Variants in CPED1 observed in about 807,000 individuals in gnomAD.
CPED1 encodes the protein cadherin-like and PC-esterase domain-containing protein 1.
In CPED1, 114 loss-of-function variants were observed where a neutral mutation model predicts 128.2. That is an observed-to-expected ratio of 0.89 (90% CI 0.76 to 1.04). CPED1 has a LOEUF of 1.04. Ranked by LOEUF, CPED1 falls within the 50% of genes least tolerant of loss-of-function variation. The pLI, the probability that CPED1 is intolerant of heterozygous loss-of-function variation, is 0.00. For synonymous variants in CPED1, 462 were observed against 426.7 expected (o/e 1.08, Z -1.02); for missense variants, 1,211 against 1,207.1 (o/e 1.00, Z -0.05).
At chr7:121,118,056 A>G (rs1312747223) in intron 7 of CPED1, among the ~76,000 whole-genome samples, 1 of 152,182 alleles carries the variant, frequency 6.6e-6, no homozygotes, top group East Asian at 1.9e-4. Flanking sequence ...TGAATATTTC[A>G]TGATAAACCA....
chr7:121,116,143 A>C (rs1417503107), intron 7 of CPED1, among the ~76,000 whole-genome samples: 1 of 152,206 alleles, frequency 6.6e-6, no homozygotes, highest in Non-Finnish European at 1.5e-5. Context: ...CAGCTATGAA[A>C]CTGATTAAAT....
chr7:121,236,846 G>A lies in CPED1; in HGVS notation c.2173+15G>A. On this transcript the variant is annotated intron_variant, in intron 17 of 22. Transcript: ENST00000310396. ...GGACATGAAAGGTGACTATCACATTGGATATCACTTCTCTAAAAAAAGAAT... is the reference window on the plus strand; with the variant it reads ...GGACATGAAAGGTGACTATCACATTAGATATCACTTCTCTAAAAAAAGAAT... The A allele has an allele frequency of 7.6e-7, 1 of 1,307,484 alleles. No homozygotes were observed. The allele number at this position is 1,307,484 out of a possible 1,614,324, so 81.0% of individuals were successfully genotyped here.
intron 22 of CPED1, among the ~76,000 whole-genome samples, chr7:121,290,393 C>T (rs921428298): frequency 6.6e-6 from 1 of 152,188 alleles, no homozygotes; most frequent in African/African-American, 2.4e-5. Flanking sequence ...CTGTCTTCCA[C>T]AATGGTTGAA....
chr7:121,223,848 T>C (rs2116629261), intron 16 of CPED1, among the ~76,000 whole-genome samples: 1 of 152,146 alleles, frequency 6.6e-6, no homozygotes, highest in East Asian at 1.9e-4. Flanking sequence ...TTCTTCTCTC[T>C]TTTCTTTTTT....
At chr7:121,089,217 C>T (rs1198476405) in intron 5 of CPED1, among the ~76,000 whole-genome samples, 5 of 152,166 alleles carry the variant, frequency 3.3e-5, no homozygotes. Context: ...ATTTGGAGCT[C>T]TAACCCTCAT....
chr7:121,141,168 A>G (rs968036453), intron 15 of CPED1, among the ~76,000 whole-genome samples, 155 bp downstream of exon 15: 1 of 152,026 alleles, frequency 6.6e-6, no homozygotes, highest in Non-Finnish European at 1.5e-5. Flanking sequence ...TTTAAAAAAG[A>G]TTTGTAACCT....
At chr7:121,144,017 A>C (rs901675663) in intron 16 of CPED1, among the ~76,000 whole-genome samples, 1 of 152,048 alleles carries the variant, frequency 6.6e-6, no homozygotes, top group Non-Finnish European at 1.5e-5. Flanking sequence ...ACATTCATAA[A>C]AACAAGCCAG....
At chr7:121,222,927 T>C (rs562820126) in intron 16 of CPED1, among the ~76,000 whole-genome samples, 125 of 152,264 alleles carry the variant, frequency 8.2e-4, no homozygotes, top group African/African-American at 3.0e-3. Context: ...CTTCCTCTTT[T>C]ACTAACTAAT....
intron 17 of CPED1, among the ~76,000 whole-genome samples, chr7:121,238,262 C>A (rs1237908890): frequency 2.0e-5 from 3 of 152,156 alleles, no homozygotes; most frequent in Non-Finnish European, 4.4e-5. Context: ...CCCAAATTGA[C>A]TCACAAATCA....
chr7:121,168,056 C>G lies in CPED1; in HGVS notation c.2055+25915C>G, dbSNP rs575667343. On this transcript the variant is annotated intron_variant, in intron 16 of 22. Coordinates refer to ENST00000310396, the MANE Select transcript of CPED1 (RefSeq NM_024913.5). ...CCCAAAAGTCTATTGCTTTTAAACT[C>G]GAAAGAGCTGAGCTTAGTTCCTGAG... 5.4e-4 allele frequency among the ~76,000 whole-genome samples: 82 copies of G among 152,030 alleles called. 1 individual carries two copies. Among genetic ancestry groups the G allele is most frequent in the Non-Finnish European group, 2.4e-4 (16 of 68,014 alleles).
rs148916388 is a variant in CPED1 at position 121,113,520 on chromosome 7, T to G, written c.919-10811T>G. On this transcript the variant is annotated intron_variant, in intron 7 of 22. Coordinates refer to ENST00000310396, the MANE Select transcript of CPED1 (RefSeq NM_024913.5). ...ATGAAGAGGGATGTTTACATTTGCT[T>G]TGCCAAGACAGCATGAATCATGCAG... is the stretch of plus-strand genomic sequence containing the variant. Among the ~76,000 whole-genome samples the G allele has an allele frequency of 2.0e-3, 305 of 152,340 alleles. 2 individuals are homozygous for G. The highest frequency in any genetic ancestry group is 6.8e-3 in the Middle Eastern group (2 of 294).
chr7:121,254,871 A>G (rs1230466505), intron 18 of CPED1, among the ~76,000 whole-genome samples: 1 of 151,668 alleles, frequency 6.6e-6, no homozygotes, highest in East Asian at 1.9e-4. Flanking sequence ...CAAAATTTTG[A>G]ATAGACCAAT....
intron 4 of CPED1, among the ~76,000 whole-genome samples, chr7:121,060,341 C>A (rs2116032840): frequency 6.6e-6 from 1 of 152,372 alleles, no homozygotes; most frequent in South Asian, 2.1e-4. Flanking sequence ...GCGGGACTGG[C>A]AGGCAGCTCC....
At chr7:121,289,291 T>C (rs1184870015) in intron 22 of CPED1, among the ~76,000 whole-genome samples, 2 of 152,222 alleles carry the variant, frequency 1.3e-5, no homozygotes, top group Non-Finnish European at 2.9e-5. Context: ...AACATATTAT[T>C]GTTTCATTTT....
chr7:121,009,192 T>C (rs934554868), intron 2 of CPED1, among the ~76,000 whole-genome samples: 1 of 152,146 alleles, frequency 6.6e-6, no homozygotes, highest in African/African-American at 2.4e-5. Flanking sequence ...TTTTGCCATG[T>C]GGATGTGAAG....
intron 2 of CPED1, among the ~76,000 whole-genome samples, chr7:121,000,278 GC>G (rs1309916605): frequency 6.6e-6 from 1 of 152,112 alleles, no homozygotes; most frequent in Non-Finnish European, 1.5e-5. Flanking sequence ...TTGGAAATTT[GC>G]AAGGTAAACA....
chr7:121,085,885 G>A (rs1226058381), intron 5 of CPED1, among the ~76,000 whole-genome samples: 3 of 152,182 alleles, frequency 2.0e-5, no homozygotes, highest in Admixed American at 2.0e-4. Flanking sequence ...TTTTAACAAT[G>A]TCCCGACTGA....
intron 16 of CPED1, among the ~76,000 whole-genome samples, chr7:121,167,883 C>T (rs986702840): frequency 8.6e-5 from 13 of 151,952 alleles, no homozygotes; most frequent in Non-Finnish European, 1.3e-4. Flanking sequence ...AGGCGCCTGC[C>T]ACCATGCCCG....
In CPED1 at chr7:121,168,341, A is replaced by C. The variant is rs552074374; in HGVS notation, c.2055+26200A>C. Among the ~76,000 whole-genome samples, 4 of 152,346 alleles carry C rather than the reference A, an allele frequency of 2.6e-5. 1 individual carries two copies. In the South Asian group the frequency reaches 8.3e-4, roughly 32 times the overall value. ...ACTGACAAGGTCTTAATATTTTAAA[A>C]GTAGTCTTCTCTATCTAAAGAATCA... On this transcript the variant is annotated intron_variant, in intron 16 of 22. Coordinates refer to ENST00000310396, the MANE Select transcript of CPED1 (RefSeq NM_024913.5).
Sources: gnomAD v4.1 joint callset for allele counts (sites outside exome capture counted in the v4.1 genomes callset) on GRCh38, gnomAD v4.1.1 for gene constraint, MANE v1.5 for transcripts, NCBI Gene and HGNC (gene_info 2026-07-23, HGNC 2026-07-21) for gene names.